The following RFTN2 variants were observed in gnomAD, a reference collection of about 807,000 sequenced individuals.
RFTN2 encodes raftlin family member 2.
Under a neutral mutation model 52.7 loss-of-function variants are expected in RFTN2, and 34 were observed. That is an observed-to-expected ratio of 0.64 (90% CI 0.49 to 0.86). The LOEUF (loss-of-function observed/expected upper bound fraction) is 0.86. RFTN2 is among the 40% of genes least tolerant of loss of function. The probability of loss-of-function intolerance (pLI) is 0.00; values close to 1 mark genes in which losing one functional copy is unlikely to be tolerated. For missense variants in RFTN2, 536 were observed against 600.1 expected, an observed-to-expected ratio of 0.89 and a Z score of 1.12; for synonymous variants, 203 against 217.7, an observed-to-expected ratio of 0.93 and a Z score of 0.59.
intron 7 of RFTN2, among the ~76,000 whole-genome samples, chr2:197,615,594 C>A (rs548863690): frequency 6.6e-6 from 1 of 152,164 alleles, no homozygotes; most frequent in Non-Finnish European, 1.5e-5. Context: ...GTGGCAGAAG[C>A]GCTCCTCCAT....
At chr2:197,624,668 A>G (rs1318449562) in intron 5 of RFTN2, among the ~76,000 whole-genome samples, 8 of 150,530 alleles carry the variant, frequency 5.3e-5, no homozygotes, top group African/African-American at 2.0e-4. Context: ...ATTTTAAGAA[A>G]TTGCCACAGC....
Position 197,617,892 on chromosome 2 carries a change from A to T in RFTN2, c.958T>A (p.Phe320Ile), listed in dbSNP as rs746706476. 6.2e-7 allele frequency: 1 copy of T among 1,610,176 alleles called. No individual in the cohort carries two copies. Among genetic ancestry groups the T allele is most frequent in the Admixed American group, 1.7e-5 (1 of 59,698 alleles). The change falls in exon 6 of 9, where the codon TTT becomes ATT. Residue 320 changes from phenylalanine to isoleucine, a missense_variant. Transcript: ENST00000295049. Reference protein sequence around the residue: ...GEHLPKSLEGFFIYEEEGSGV... With the variant: ...GEHLPKSLEGIFIYEEEGSGV... ...GAACCTTCTTCTTCATAGATAAAAA[A>T]TCCTTCCAAAGATTTAGGCAAATGT...
At chr2:197,574,727 G>A (rs960561089) in intron 8 of RFTN2, among the ~76,000 whole-genome samples, 2 of 152,132 alleles carry the variant, frequency 1.3e-5, no homozygotes, top group Non-Finnish European at 2.9e-5. Flanking sequence ...AATTATCAGA[G>A]TGTGGTGGCA....
intron 5 of RFTN2, among the ~76,000 whole-genome samples, chr2:197,629,503 T>G (rs568421338): frequency 1.4e-4 from 21 of 151,874 alleles, no homozygotes; most frequent in African/African-American, 4.8e-4. Context: ...TAAATGACGA[T>G]TTGATGGGTG....
chr2:197,674,339 CAAA>C (rs1222944678), intron 1 of RFTN2, among the ~76,000 whole-genome samples: 6 of 34,266 alleles, frequency 1.8e-4, no homozygotes, highest in African/African-American at 3.7e-4. Flanking sequence ...TAGAGCAAAG[CAAA>C]AAAAAAAAAA....
At chr2:197,587,030 T>A (rs574645125) in intron 8 of RFTN2, among the ~76,000 whole-genome samples, 2 of 152,256 alleles carry the variant, frequency 1.3e-5, no homozygotes, top group South Asian at 4.1e-4. Context: ...AATTCTTAAT[T>A]CTTTAATACC....
At chr2:197,637,988 C>T (rs1342350975) in intron 3 of RFTN2, among the ~76,000 whole-genome samples, 6 of 150,018 alleles carry the variant, frequency 4.0e-5, no homozygotes, top group Admixed American at 6.6e-5. Flanking sequence ...GCCTCCATTT[C>T]GTTATGTATC....
chr2:197,670,803 C>T (rs539284024), intron 1 of RFTN2, among the ~76,000 whole-genome samples: 2 of 152,310 alleles, frequency 1.3e-5, no homozygotes, highest in South Asian at 2.1e-4. Context: ...TGCTCTTTGA[C>T]CACAGACGGA....
At chr2:197,644,375 A>T in intron 2 of RFTN2, 103 bp from the exon 3 acceptor site, 1 of 613,102 alleles carries the variant, frequency 1.6e-6, no homozygotes, top group Non-Finnish European at 2.9e-6. Flanking sequence ...GGGTCAAGGT[A>T]ATCATTTTTT....
intron 8 of RFTN2, among the ~76,000 whole-genome samples, chr2:197,591,911 G>A (rs1336655117): frequency 6.7e-6 from 1 of 149,684 alleles, no homozygotes; most frequent in Non-Finnish European, 1.5e-5. Flanking sequence ...ACTGGTTCCT[G>A]CCCCGTGCCT....
chr2:197,663,693 T>C (rs182972395), intron 1 of RFTN2, among the ~76,000 whole-genome samples: 1 of 152,296 alleles, frequency 6.6e-6, no homozygotes, highest in Non-Finnish European at 1.5e-5. Context: ...TCATTTCCGA[T>C]TTGGGTCTTT....
chr2:197,588,516 C>G (rs1050491999), intron 8 of RFTN2, among the ~76,000 whole-genome samples: 1 of 152,156 alleles, frequency 6.6e-6, no homozygotes, highest in Non-Finnish European at 1.5e-5. Context: ...ATGCCCAGTC[C>G]TTTTTATTTC....
At chr2:197,626,597 T>TA (rs908525862) in intron 5 of RFTN2, among the ~76,000 whole-genome samples, 8 of 66,430 alleles carry the variant, frequency 1.2e-4, no homozygotes, top group African/African-American at 3.9e-4. Flanking sequence ...AAAGTTAAAA[T>TA]AAAAAAAAGG....
Position 197,646,522 on chromosome 2 carries a change from C to T in RFTN2, c.284G>A (p.Ser95Asn). ...PVGQRKHLPA[S>N]YLYRVVLLRL... ...CAATAGCACCACTCTGTATAGGTAACTTGCAGGTAGGTGTTTTCGCTGCCC... is the reference window on the plus strand; with the variant it reads ...CAATAGCACCACTCTGTATAGGTAATTTGCAGGTAGGTGTTTTCGCTGCCC... Residue 95 changes from serine to asparagine, a missense_variant, in exon 2 of 9, where the codon AGT becomes AAT. By Grantham distance (46) the Ser-to-Asn change is conservative. Transcript: ENST00000295049. 1 of 1,614,084 alleles carries T rather than the reference C, an allele frequency of 6.2e-7. No homozygotes were observed. Among genetic ancestry groups the T allele is most frequent in the Non-Finnish European group, 8.5e-7 (1 of 1,179,994 alleles).
intron 4 of RFTN2, among the ~76,000 whole-genome samples, chr2:197,633,289 C>G (rs988330654): frequency 1.8e-4 from 28 of 152,070 alleles, no homozygotes; most frequent in African/African-American, 6.5e-4. Flanking sequence ...TCAAAGAAAG[C>G]CAATTAATTT....
intron 8 of RFTN2, among the ~76,000 whole-genome samples, chr2:197,584,106 T>A (rs1304379652): frequency 6.6e-6 from 1 of 152,058 alleles, no homozygotes; most frequent in Admixed American, 6.5e-5. Flanking sequence ...TGTGTCTTCA[T>A]GGCAGCATGA....
In RFTN2 at chr2:197,667,697, G is replaced by C. The variant is rs146212735; in HGVS notation, c.139+7623C>G. ...TAGTCTCTGTATGACTTATTTGGCTGTAAACAACATCAGTTGTAGCTGTGA... is the reference window on the plus strand; with the variant it reads ...TAGTCTCTGTATGACTTATTTGGCTCTAAACAACATCAGTTGTAGCTGTGA... On this transcript the variant is annotated intron_variant, in intron 1 of 8. Transcript: ENST00000295049. Among the ~76,000 whole-genome samples the C allele has an allele frequency of 3.4e-3, 515 of 152,298 alleles. 2 individuals carry two copies. Among genetic ancestry groups the C allele is most frequent in the Middle Eastern group, 0.024 (7 of 294 alleles).
intron 1 of RFTN2, among the ~76,000 whole-genome samples, chr2:197,655,831 A>C (rs60582020): frequency 0.19 from 28,434 of 152,076 alleles, 2,779 homozygotes; most frequent in Middle Eastern, 0.27. Context: ...TCAAAAAAAA[A>C]CAAAACAACT....
intron 3 of RFTN2, among the ~76,000 whole-genome samples, chr2:197,640,453 G>A (rs1315557101): frequency 2.0e-5 from 3 of 152,208 alleles, no homozygotes; most frequent in African/African-American, 7.2e-5. Context: ...CGTTTTTTAA[G>A]CCGGTCCGAA....
Sources: gnomAD v4.1 joint callset for allele counts (sites outside exome capture counted in the v4.1 genomes callset) on GRCh38, gnomAD v4.1.1 for gene constraint, MANE v1.5 for transcripts, NCBI Gene and HGNC (gene_info 2026-07-23, HGNC 2026-07-21) for gene names.